Variants in CDH18 observed in about 807,000 individuals in gnomAD.
The protein encoded by CDH18 is cadherin-18.
CDH18 carries 31 observed loss-of-function variants against 67.9 expected under a neutral mutation model. The observed-to-expected ratio is 0.46, with a 90% CI of 0.34 to 0.62. The LOEUF is 0.62. CDH18 is among the 20% of genes least tolerant of loss of function. The pLI is 0.01. For missense variants in CDH18, 890 were observed against 975.5 expected (o/e 0.91, Z 1.17); for synonymous variants, 362 against 347.2 (o/e 1.04, Z -0.48).
intron 8 of CDH18, among the ~76,000 whole-genome samples, chr5:19,561,593 A>G (rs1028559051): frequency 2.0e-5 from 3 of 152,232 alleles, no homozygotes; most frequent in Admixed American, 6.5e-5. Flanking sequence ...AATATTAAAA[A>G]TCACCACTAA....
intron 2 of CDH18, among the ~76,000 whole-genome samples, chr5:20,071,545 T>A (rs1264883662): frequency 6.6e-6 from 1 of 152,090 alleles, no homozygotes; most frequent in Non-Finnish European, 1.5e-5. Flanking sequence ...GACAGCTACA[T>A]GATTAAATTG....
At chr5:20,526,477 G>C (rs1314552056) in intron 1 of CDH18, among the ~76,000 whole-genome samples, 1 of 152,050 alleles carries the variant, frequency 6.6e-6, no homozygotes, top group African/African-American at 2.4e-5. Context: ...TCTCCCAACA[G>C]GGGTTTCTAG....
intron 1 of CDH18, among the ~76,000 whole-genome samples, chr5:20,327,430 A>C (rs1738706744): frequency 6.6e-6 from 1 of 152,090 alleles, no homozygotes; most frequent in Non-Finnish European, 1.5e-5. Context: ...CCTCACGAGA[A>C]TGTAACCATC....
chr5:19,996,234 T>G (rs1160497912), intron 2 of CDH18, among the ~76,000 whole-genome samples: 1 of 152,096 alleles, frequency 6.6e-6, no homozygotes, highest in South Asian at 2.1e-4. Context: ...CTTTGAAAAA[T>G]GATGCATATA....
chr5:19,804,145 A>G (rs1777784039), intron 3 of CDH18: 1 of 150,424 alleles, frequency 6.6e-6, no homozygotes, highest in African/African-American at 2.4e-5. Flanking sequence ...AAGAAAAAAT[A>G]CGAAAAATTA....
intron 5 of CDH18, among the ~76,000 whole-genome samples, chr5:19,627,804 G>A (rs1751782307): frequency 6.6e-6 from 1 of 152,268 alleles, no homozygotes; most frequent in Admixed American, 6.5e-5. Flanking sequence ...GCCCTAATGT[G>A]GGTGCTTTCT....
At chr5:19,653,829 CT>C (rs1475448027) in intron 5 of CDH18, among the ~76,000 whole-genome samples, 4 of 152,116 alleles carry the variant, frequency 2.6e-5, no homozygotes, top group African/African-American at 9.7e-5. Flanking sequence ...CTGCACTTGG[CT>C]CAAGGTAAAC....
intron 1 of CDH18, among the ~76,000 whole-genome samples, chr5:20,296,579 T>C (rs1747554519): frequency 6.6e-6 from 1 of 152,154 alleles, no homozygotes; most frequent in Non-Finnish European, 1.5e-5. Context: ...TTTTATAGTA[T>C]TATATGTTAC....
intron 2 of CDH18, among the ~76,000 whole-genome samples, chr5:20,149,107 C>T (rs921439508): frequency 6.6e-6 from 1 of 152,112 alleles, no homozygotes; most frequent in African/African-American, 2.4e-5. Flanking sequence ...AAAGGATTCC[C>T]TCCATTCTCT....
At chr5:20,308,297 C>T (rs1025223370) in intron 1 of CDH18, among the ~76,000 whole-genome samples, 5 of 151,938 alleles carry the variant, frequency 3.3e-5, no homozygotes, top group African/African-American at 1.2e-4. Context: ...AATCCCAGCA[C>T]TTTGGGAGGC....
intron 3 of CDH18, among the ~76,000 whole-genome samples, chr5:19,828,834 C>G (rs576263620): frequency 4.1e-4 from 62 of 152,142 alleles, no homozygotes; most frequent in Non-Finnish European, 8.1e-4. Flanking sequence ...GTCAGGAGTT[C>G]GAGACCAGCC....
chr5:20,496,239 G>A (rs1753897803), intron 1 of CDH18, among the ~76,000 whole-genome samples: 1 of 152,022 alleles, frequency 6.6e-6, no homozygotes. Context: ...AAATAAACAA[G>A]TTACTAGGAA....
At chr5:20,293,209 T>C (rs1219600100) in intron 1 of CDH18, among the ~76,000 whole-genome samples, 1 of 151,962 alleles carries the variant, frequency 6.6e-6, no homozygotes, top group Non-Finnish European at 1.5e-5. Context: ...CTCAGCTTCT[T>C]GGGAGGCTGA....
intron 1 of CDH18, among the ~76,000 whole-genome samples, chr5:20,262,558 C>T (rs1744731820): frequency 1.3e-5 from 2 of 152,054 alleles, no homozygotes; most frequent in Middle Eastern, 3.4e-3. Context: ...GGCACCTAGC[C>T]CCATGGGGAT....
intron 12 of CDH18, among the ~76,000 whole-genome samples, chr5:19,479,982 G>A (rs1281706375): frequency 6.6e-6 from 1 of 152,020 alleles, no homozygotes; most frequent in Admixed American, 6.6e-5. Flanking sequence ...AACATAAAAT[G>A]TTCTTTCAAT....
At chr5:20,082,083 CAGACAT>C (rs1241053165) in intron 2 of CDH18, among the ~76,000 whole-genome samples, 1 of 151,776 alleles carries the variant, frequency 6.6e-6, no homozygotes, top group Non-Finnish European at 1.5e-5. Flanking sequence ...CATATACACA[CAGACAT>C]AAACTACAAT....
chr5:20,336,231 A>G (rs1233019528), intron 1 of CDH18, among the ~76,000 whole-genome samples: 1 of 152,086 alleles, frequency 6.6e-6, no homozygotes, highest in African/African-American at 2.4e-5. Flanking sequence ...TAGTGTGGTC[A>G]TCTCCCCTTT....
intron 2 of CDH18, among the ~76,000 whole-genome samples, chr5:20,021,106 G>T: frequency 6.6e-6 from 1 of 152,156 alleles, no homozygotes; most frequent in South Asian, 2.1e-4. Context: ...TGCCCTACTG[G>T]GTTGGGAATT....
Position 19,981,856 on chromosome 5 carries a change from A to G in CDH18, c.-375-678T>C, listed in dbSNP as rs370331641. The stretch of plus-strand genomic sequence containing the variant: ...ACTTCCTCCCAGGCTTCCTAGCCAA[A>G]TAGATAAAATATCAAACCACCATCT... On this transcript the variant is annotated intron_variant, in intron 1 of 12. Transcript: ENST00000382275. Among the ~76,000 whole-genome samples, 7 of 152,304 alleles carry G rather than the reference A, an allele frequency of 4.6e-5. No homozygotes were observed. The East Asian group carries it at 1.4e-3, about 29-fold the overall frequency.
Sources: allele counts gnomAD v4.1 joint callset (sites outside exome capture counted in the v4.1 genomes callset), GRCh38; gene constraint gnomAD v4.1.1; transcripts MANE v1.5; gene names NCBI Gene and HGNC (gene_info 2026-07-23, HGNC 2026-07-21).